The following RDX variants were observed in gnomAD, a reference collection of about 807,000 sequenced individuals.
RDX encodes deafness, autosomal recessive 24.
A neutral mutation model predicts 83.7 loss-of-function variants in RDX; 32 were observed. That is an observed-to-expected ratio of 0.38 (90% CI 0.29 to 0.51). RDX has a LOEUF of 0.51. Among genes scored for constraint, RDX ranks in the 20% least tolerant of loss-of-function variants. RDX has a pLI of 0.87. For synonymous variants in RDX, 229 were observed against 222.7 expected (o/e 1.03, Z -0.25); for missense variants, 600 against 689.9 (o/e 0.87, Z 1.46).
intron 2 of RDX, among the ~76,000 whole-genome samples, chr11:110,277,316 GTTA>G (rs1211402124): frequency 1.3e-5 from 2 of 151,854 alleles, no homozygotes; most frequent in African/African-American, 4.8e-5. Context: ...TTTTTTTGTT[GTTA>G]TTTTTTGTTT....
At chr11:110,272,258 T>C (rs1335097734) in intron 3 of RDX, among the ~76,000 whole-genome samples, 6 of 152,214 alleles carry the variant, frequency 3.9e-5, no homozygotes, top group Admixed American at 3.3e-4. Context: ...GGATTATCCT[T>C]GAATCCCTTT....
downstream of RDX, among the ~76,000 whole-genome samples, chr11:110,226,870 A>G (rs999171178): frequency 2.0e-5 from 3 of 152,178 alleles, no homozygotes; most frequent in African/African-American, 7.2e-5. Context: ...ATCAGAAAAC[A>G]AGCATACCGA....
chr11:110,268,132 ACT>A, intron 3 of RDX, among the ~76,000 whole-genome samples: 1 of 152,068 alleles, frequency 6.6e-6, no homozygotes, highest in East Asian at 1.9e-4. Context: ...ACATGGTGAC[ACT>A]CTGTCTCTAC....
In RDX at chr11:110,229,841, A is replaced by C. The variant is rs543347774; in HGVS notation, c.*2028T>G. 6.6e-6 allele frequency: 1 copy of C among 152,662 alleles called. No homozygotes were observed. Among genetic ancestry groups the C allele is most frequent in the South Asian group, 2.1e-4 (1 of 4,834 alleles). The allele number at this position is 152,662 out of a possible 1,614,324, so 9.5% of individuals were successfully genotyped here. A position where few individuals can be genotyped will look rare whatever the true frequency, so the allele number is the denominator to read the frequency against. The stretch of plus-strand genomic sequence containing the variant: ...TTCAAAATGAGGAAAATTAACAAAA[A>C]TCCAATGAAAGTTCAGGTTTTTATC... On this transcript the variant is annotated 3_prime_UTR_variant, in exon 14 of 14. Coordinates refer to ENST00000645495, the MANE Select transcript of RDX (RefSeq NM_002906.4).
intron 7 of RDX, 134 bp from the exon 8 acceptor site, chr11:110,255,519 A>G (rs2134358172): frequency 3.1e-6 from 2 of 636,908 alleles, no homozygotes; most frequent in Non-Finnish European, 5.7e-6. Flanking sequence ...ATTCATAACT[A>G]CAGTTGACCT....
chr11:110,215,036 CAAA>C lies in RDX; in HGVS notation c.1749-15361_1749-15359del, dbSNP rs1195888196. On this transcript the variant is annotated intron_variant, in intron 14 of 15. Transcript: ENST00000528498. ...TAAAAAAAACATTTAGGAGACCTAA[CAAA>C]AAAAAAAAAAATATATATATATATA... Among the ~76,000 whole-genome samples the C allele has an allele frequency of 6.7e-3, 841 of 125,738 alleles. 2 individuals are homozygous for C. Among genetic ancestry groups the C allele is most frequent in the African/African-American group, 0.01 (345 of 33,268 alleles). The allele number at this position is 125,738 out of a possible 152,430, so 82.5% of individuals were successfully genotyped here.
At chr11:110,285,215 G>A (rs1184817894) in intron 1 of RDX, among the ~76,000 whole-genome samples, 2 of 150,004 alleles carry the variant, frequency 1.3e-5, no homozygotes, top group African/African-American at 2.5e-5. Flanking sequence ...AGTGAAACCC[G>A]GTCTCTACTA....
chr11:110,216,391 G>A (rs868089812), intron 14 of RDX, among the ~76,000 whole-genome samples: 1 of 142,874 alleles, frequency 7.0e-6, no homozygotes, highest in African/African-American at 2.7e-5. Flanking sequence ...TTTTTTTTTT[G>A]AAACAGGGTC....
chr11:110,193,671 T>A (rs1863146932), intron 15 of RDX, among the ~76,000 whole-genome samples: 1 of 152,108 alleles, frequency 6.6e-6, no homozygotes. Context: ...AAAAGAACCT[T>A]AGAAATCATT....
At chr11:110,281,400 G>C (rs1860755883) in intron 1 of RDX, among the ~76,000 whole-genome samples, 1 of 150,954 alleles carries the variant, frequency 6.6e-6, no homozygotes, top group African/African-American at 2.4e-5. Context: ...TGCAATCTTA[G>C]CTCACTGCAA....
intron 9 of RDX, 62 bp from the exon 10 acceptor site, chr11:110,247,895 A>T: frequency 6.6e-7 from 1 of 1,509,432 alleles, no homozygotes; most frequent in Non-Finnish European, 8.9e-7. Context: ...CATGTGATGG[A>T]ATACTACTCT....
At chr11:110,260,518 T>C (rs969608619) in intron 5 of RDX, among the ~76,000 whole-genome samples, 3 of 152,174 alleles carry the variant, frequency 2.0e-5, no homozygotes, top group East Asian at 3.8e-4. Flanking sequence ...CTTGGCTCAC[T>C]GCAACCTCCG....
intron 1 of RDX, among the ~76,000 whole-genome samples, chr11:110,295,642 G>GAAAAAAAAAA (rs370760081): frequency 1.3e-4 from 16 of 122,202 alleles, no homozygotes; most frequent in Non-Finnish European, 2.2e-4. Context: ...TGTTTAAACT[G>GAAAAAAAAAA]AAAAAAAAAA....
intron 14 of RDX, among the ~76,000 whole-genome samples, chr11:110,222,864 G>A (rs558547187): frequency 6.6e-6 from 1 of 152,108 alleles, no homozygotes; most frequent in Non-Finnish European, 1.5e-5. Context: ...CAACAAAAAC[G>A]ACTACTTTTA....
At chr11:110,286,466 G>A (rs1470648701) in intron 1 of RDX, among the ~76,000 whole-genome samples, 1 of 152,172 alleles carries the variant, frequency 6.6e-6, no homozygotes, top group South Asian at 2.1e-4. Flanking sequence ...CCTCATGCTC[G>A]ACACATTGAG....
At chr11:110,292,292 T>TA (rs1555050357) in intron 1 of RDX, among the ~76,000 whole-genome samples, 1 of 147,260 alleles carries the variant, frequency 6.8e-6, no homozygotes, top group African/African-American at 2.6e-5. Flanking sequence ...GACCCTGTCT[T>TA]GGAAAAAAAA....
chr11:110,192,122 C>A (rs1863114269), intron 15 of RDX, among the ~76,000 whole-genome samples: 1 of 152,132 alleles, frequency 6.6e-6, no homozygotes, highest in Admixed American at 6.6e-5. Flanking sequence ...CATCACGTAA[C>A]CCAACTTCAA....
intron 1 of RDX, among the ~76,000 whole-genome samples, chr11:110,289,979 A>AAAAAAAAAAAAAAAAAAAAAAAAAAAC (rs1555049799): frequency 6.9e-6 from 1 of 144,710 alleles, no homozygotes; most frequent in Admixed American, 6.8e-5. Context: ...AAAAAAAAAA[A>AAAAAAAAAAAAAAAAAAAAAAAAAAAC]AAACAAGGGT....
intron 2 of RDX, among the ~76,000 whole-genome samples, chr11:110,273,841 T>C (rs529658634): frequency 6.6e-6 from 1 of 152,368 alleles, no homozygotes; most frequent in South Asian, 2.1e-4. Flanking sequence ...TATAAACCTG[T>C]AGCGATTCCT....
Sources: gnomAD v4.1 joint callset for allele counts (sites outside exome capture counted in the v4.1 genomes callset) on GRCh38, gnomAD v4.1.1 for gene constraint, MANE v1.5 for transcripts, NCBI Gene and HGNC (gene_info 2026-07-23, HGNC 2026-07-21) for gene names.